The following VPS50 variants were observed in gnomAD, a reference collection of about 807,000 sequenced individuals.
VPS50 encodes the protein VPS50 subunit of EARP/GARPII complex, also known as syndetin.
VPS50 carries 70 observed loss-of-function variants against 139.7 expected under a neutral mutation model. The observed-to-expected ratio is 0.50, with a 90% CI of 0.41 to 0.61. VPS50 has a LOEUF of 0.61. Ranked by LOEUF, VPS50 falls within the 20% of genes least tolerant of loss-of-function variation. The pLI is 0.00. For synonymous variants in VPS50, 365 were observed against 376.7 expected, an observed-to-expected ratio of 0.97 and a Z score of 0.36; for missense variants, 921 against 1,133.7, an observed-to-expected ratio of 0.81 and a Z score of 2.69.
chr7:93,322,406 T>C (rs1797640592), intron 20 of VPS50, among the ~76,000 whole-genome samples: 1 of 151,716 alleles, frequency 6.6e-6, no homozygotes, highest in Non-Finnish European at 1.5e-5. Flanking sequence ...GAGACCATCC[T>C]GGCTAACACG....
rs936942934 is a variant in VPS50, at chr7:93,359,229, G to A, written c.*793G>A. 6.6e-6 allele frequency: 1 copy of A among 151,990 alleles called. No individual in the cohort carries two copies. The highest frequency in any genetic ancestry group is 1.5e-5 in the Non-Finnish European group (1 of 67,976). The allele number at this position is 151,990 out of a possible 1,614,324, so 9.4% of individuals were successfully genotyped here. On this transcript the variant is annotated 3_prime_UTR_variant, in exon 28 of 28. Coordinates refer to ENST00000305866, the MANE Select transcript of VPS50 (RefSeq NM_017667.4). ...CTTTTATCTTTCTTTATAAAAATAT[G>A]TGGTTTTTTTGTTGAAAGTTTTGGT...
At chr7:93,321,838 GT>G (rs1357220856) in intron 20 of VPS50, among the ~76,000 whole-genome samples, 2 of 151,858 alleles carry the variant, frequency 1.3e-5, no homozygotes, top group Non-Finnish European at 2.9e-5. Flanking sequence ...ATTCATCTTT[GT>G]TTTTTTGTTT....
chr7:93,348,874 T>A, intron 24 of VPS50, 67 bp downstream of exon 24: 1 of 1,112,352 alleles, frequency 9.0e-7, no homozygotes, highest in Non-Finnish European at 1.3e-6. Context: ...TTATTTAGAT[T>A]TTTTGTTGTT....
intron 2 of VPS50, among the ~76,000 whole-genome samples, chr7:93,248,188 ATAT>A (rs746039168): frequency 1.1e-4 from 17 of 151,900 alleles, no homozygotes; most frequent in Non-Finnish European, 2.1e-4. Flanking sequence ...TGAATATCTA[ATAT>A]TATTATAATT....
chr7:93,325,830 C>G (rs1398900622), intron 21 of VPS50, among the ~76,000 whole-genome samples: 2 of 151,046 alleles, frequency 1.3e-5, no homozygotes, highest in Non-Finnish European at 3.0e-5. Context: ...GAAATAGGAA[C>G]ACTTTTACAC....
intron 20 of VPS50, among the ~76,000 whole-genome samples, chr7:93,312,995 A>G (rs1014377474): frequency 1.3e-5 from 2 of 152,242 alleles, no homozygotes; most frequent in African/African-American, 4.8e-5. Flanking sequence ...AAGACGTTCA[A>G]CCACAAAGTT....
At chr7:93,350,831 T>C (rs1798536229) in intron 25 of VPS50, among the ~76,000 whole-genome samples, 2 of 152,094 alleles carry the variant, frequency 1.3e-5, no homozygotes, top group African/African-American at 2.4e-5. Flanking sequence ...GGAAATAAAG[T>C]GTGGAAAGAG....
At chr7:93,346,965 A>G (rs867220433) in intron 23 of VPS50, among the ~76,000 whole-genome samples, 107 of 139,204 alleles carry the variant, frequency 7.7e-4, no homozygotes, top group African/African-American at 1.8e-3. Flanking sequence ...AAAAGCCAAA[A>G]TTGACAAATG....
At chr7:93,265,991 C>T (rs539776429) in intron 9 of VPS50, among the ~76,000 whole-genome samples, 7 of 152,168 alleles carry the variant, frequency 4.6e-5, no homozygotes, top group Non-Finnish European at 1.0e-4. Context: ...ATCACATAGA[C>T]ACTTCATGGT....
At chr7:93,268,010 G>T (rs1795891979) in intron 9 of VPS50, among the ~76,000 whole-genome samples, 1 of 152,188 alleles carries the variant, frequency 6.6e-6, no homozygotes, top group Non-Finnish European at 1.5e-5. Flanking sequence ...TTACTTAAGA[G>T]CTGCGCTCAG....
chr7:93,306,989 C>T lies in VPS50; in HGVS notation c.1629+985C>T, dbSNP rs191871095. Among the ~76,000 whole-genome samples the T allele has an allele frequency of 9.9e-5, 15 of 151,440 alleles. No homozygotes were observed. The East Asian group carries it at 1.4e-3, about 14-fold the overall frequency. ...TTTGCCTCTGTGAAGTTGGCTTAAC[C>T]GAGAGGAATTTAAAGTCATTCCAAT... On this transcript the variant is annotated intron_variant, in intron 18 of 27. Coordinates refer to ENST00000305866, the MANE Select transcript of VPS50 (RefSeq NM_017667.4).
chr7:93,301,666 C>G (rs1224291384), intron 16 of VPS50, among the ~76,000 whole-genome samples: 2 of 152,156 alleles, frequency 1.3e-5, no homozygotes, highest in Admixed American at 6.5e-5. Context: ...TTTCAACCCA[C>G]TGATACTGAT....
chr7:93,258,146 T>G lies in VPS50; in HGVS notation c.423-13T>G, dbSNP rs1283913080. On this transcript the variant is annotated splice_polypyrimidine_tract_variant and intron_variant, in intron 6 of 27. Coordinates refer to ENST00000305866, the MANE Select transcript of VPS50 (RefSeq NM_017667.4). ...ATAAAAAACTTTTAACTATTTATTG[T>G]TCACTTTTGCAGACACTTGAATATT... The G allele has an allele frequency of 8.9e-7, 1 of 1,128,664 alleles. No homozygotes were observed. The highest frequency in any genetic ancestry group is 1.9e-5 in the Admixed American group (1 of 53,092). The allele number at this position is 1,128,664 out of a possible 1,614,324, so 69.9% of individuals were successfully genotyped here.
At chr7:93,323,838 G>A in intron 21 of VPS50, 106 bp downstream of exon 21, 1 of 521,926 alleles carries the variant, frequency 1.9e-6, no homozygotes, top group Non-Finnish European at 3.0e-6. Flanking sequence ...ACATTATTTT[G>A]GGGATTATGC....
intron 20 of VPS50, among the ~76,000 whole-genome samples, chr7:93,312,616 G>A (rs148694243): frequency 5.3e-5 from 8 of 152,082 alleles, no homozygotes; most frequent in South Asian, 4.2e-4. Flanking sequence ...GAATAAGTTC[G>A]TGCATTTTTT....
At chr7:93,341,688 C>G (rs545443036) in intron 23 of VPS50, 113 bp downstream of exon 23, 2 of 606,408 alleles carry the variant, frequency 3.3e-6, no homozygotes, top group Non-Finnish European at 5.6e-6. Context: ...TTCTAAATAT[C>G]ACTTATATGT....
At chr7:93,345,361 C>T (rs1363864698) in intron 23 of VPS50, among the ~76,000 whole-genome samples, 3 of 152,048 alleles carry the variant, frequency 2.0e-5, no homozygotes, top group East Asian at 1.9e-4. Context: ...AAAAAGAGTC[C>T]AGGACCAGAT....
At chr7:93,354,689 T>C (rs1177767137) in intron 26 of VPS50, among the ~76,000 whole-genome samples, 1 of 152,152 alleles carries the variant, frequency 6.6e-6, no homozygotes, top group East Asian at 1.9e-4. Flanking sequence ...TCTATAAATC[T>C]TTCATGTGTT....
intron 11 of VPS50, among the ~76,000 whole-genome samples, chr7:93,274,975 T>C (rs1796111840): frequency 6.6e-6 from 1 of 152,168 alleles, no homozygotes; most frequent in Non-Finnish European, 1.5e-5. Context: ...CCAACCTTCA[T>C]GATGACTTTG....
Sources: gnomAD v4.1 joint callset for allele counts (sites outside exome capture counted in the v4.1 genomes callset) on GRCh38, gnomAD v4.1.1 for gene constraint, MANE v1.5 for transcripts, NCBI Gene and HGNC (gene_info 2026-07-23, HGNC 2026-07-21) for gene names.